RREB1: variants seen among roughly 807,000 people sequenced by gnomAD.
RREB1 encodes ras-responsive element-binding protein 1.
Under a neutral mutation model 117.8 loss-of-function variants are expected in RREB1, and 27 were observed. The observed-to-expected ratio is 0.23, with a 90% CI of 0.17 to 0.32. The LOEUF (loss-of-function observed/expected upper bound fraction) is 0.32. Among genes scored for constraint, RREB1 ranks in the 10% least tolerant of loss-of-function variants. The pLI is 1.00. For missense variants in RREB1, 2,577 were observed against 2,378.2 expected, an observed-to-expected ratio of 1.08 and a Z score of -1.74; for synonymous variants, 1,298 against 1,026.7, an observed-to-expected ratio of 1.26 and a Z score of -5.05.
At chr6:7,217,122 T>A (rs762140118) in intron 8 of RREB1, 1 of 152,362 alleles carries the variant, frequency 6.6e-6, no homozygotes, top group African/African-American at 2.4e-5. Context: ...TGGGAGAGAT[T>A]AGTGCAGCTG....
At chr6:7,172,718 TTGCCGC>T (rs1038854895) in intron 1 of RREB1, among the ~76,000 whole-genome samples, 4 of 151,390 alleles carry the variant, frequency 2.6e-5, no homozygotes, top group Non-Finnish European at 4.4e-5. Context: ...CTTTCTTGGG[TTGCCGC>T]CCTATCCAAG....
chr6:7,189,052 A>G (rs1293732428), intron 5 of RREB1, 107 bp from the exon 6 acceptor site: 1 of 1,108,090 alleles, frequency 9.0e-7, no homozygotes, highest in Non-Finnish European at 1.2e-6. Context: ...ACACATAGCC[A>G]AGAAAGTTGA....
chr6:7,152,297 T>C (rs2113430521), intron 1 of RREB1, among the ~76,000 whole-genome samples: 1 of 152,374 alleles, frequency 6.6e-6, no homozygotes, highest in East Asian at 1.9e-4. Context: ...TTTCTTGGTC[T>C]CTCTAATTTC....
At chr6:7,181,728 T>A in intron 3 of RREB1, 142 bp from the exon 4 acceptor site, 1 of 718,726 alleles carries the variant, frequency 1.4e-6, no homozygotes, top group Non-Finnish European at 2.4e-6. Flanking sequence ...ACTCTGGGCG[T>A]GAATGTGGCC....
chr6:7,208,433 TTGAGGTTG>T (rs1162811444), intron 6 of RREB1, among the ~76,000 whole-genome samples: 2 of 152,300 alleles, frequency 1.3e-5, no homozygotes, highest in African/African-American at 4.8e-5. Context: ...GTGGGCTGAA[TTGAGGTTG>T]TCAGTGCAGC....
At chr6:7,173,692 C>T (rs1350494289) in intron 1 of RREB1, among the ~76,000 whole-genome samples, 4 of 151,542 alleles carry the variant, frequency 2.6e-5, no homozygotes, top group Non-Finnish European at 5.9e-5. Flanking sequence ...GTGGCACACA[C>T]GCCTGTAATC....
At chr6:7,135,064 A>C (rs940753893) in intron 1 of RREB1, among the ~76,000 whole-genome samples, 2 of 152,172 alleles carry the variant, frequency 1.3e-5, no homozygotes, top group African/African-American at 4.8e-5. Flanking sequence ...CTTTTAATTA[A>C]TCTACTGTGA....
intron 1 of RREB1, among the ~76,000 whole-genome samples, chr6:7,131,203 G>A (rs11243145): frequency 0.46 from 70,383 of 151,646 alleles, 19,619 homozygotes; most frequent in Non-Finnish European, 0.63. Flanking sequence ...TGGGATTACA[G>A]GCGTGAGCCA....
chr6:7,223,921 T>C (rs185314973), intron 8 of RREB1, among the ~76,000 whole-genome samples: 39 of 152,344 alleles, frequency 2.6e-4, no homozygotes, highest in Non-Finnish European at 5.0e-4. Flanking sequence ...TAATTTCTTA[T>C]AATTTAATTA....
chr6:7,246,250 A>G (rs1194746812), intron 11 of RREB1, among the ~76,000 whole-genome samples, 174 bp from the exon 12 acceptor site: 3 of 152,182 alleles, frequency 2.0e-5, no homozygotes, highest in Non-Finnish European at 4.4e-5. Flanking sequence ...CCCCAGGGTC[A>G]TCTTGGTCCT....
At chr6:7,209,503 C>T (rs1351452307) in intron 6 of RREB1, among the ~76,000 whole-genome samples, 1 of 151,712 alleles carries the variant, frequency 6.6e-6, no homozygotes, top group African/African-American at 2.4e-5. Flanking sequence ...TTAACTTTCA[C>T]AAGGCTTTAG....
rs770874252 is a variant in RREB1 at position 7,229,075 on chromosome 6, C to T, written c.976C>T (p.Pro326Ser). 1.3e-6 allele frequency: 2 copies of T among 1,586,602 alleles called. No individual in the cohort carries two copies. Among genetic ancestry groups the T allele is most frequent in the Non-Finnish European group, 1.7e-6 (2 of 1,161,738 alleles). Reference sequence around the variant, plus strand: ...CTGCGACACCTGTGACAAGGCGTTCCCCATGCTCTGCTCACTGGCTCTGCA... The same window carrying T: ...CTGCGACACCTGTGACAAGGCGTTCTCCATGCTCTGCTCACTGGCTCTGCA... Reference protein sequence around the residue: ...FVCDTCDKAFPMLCSLALHKQ... With the variant: ...FVCDTCDKAFSMLCSLALHKQ... Residue 326 changes from proline to serine, a missense_variant, in exon 10 of 13, where the codon CCC (proline) becomes TCC (serine). Pro to Ser is a moderately conservative substitution (Grantham distance 74). Transcript: ENST00000379938. The surrounding 1 kb of genome is among the most constrained non-coding windows in gnomAD (Gnocchi z 4.5).
At chr6:7,240,687 G>A (rs1301752130) in intron 11 of RREB1, 85 bp downstream of exon 11, 7 of 1,255,620 alleles carry the variant, frequency 5.6e-6, no homozygotes, top group Non-Finnish European at 6.7e-6. Context: ...AGTCCGAGCT[G>A]TGGAGGGGCT....
intron 4 of RREB1, chr6:7,183,001 T>C (rs1278917105): frequency 6.6e-6 from 1 of 152,194 alleles, no homozygotes; most frequent in African/African-American, 2.4e-5. Context: ...TCTCTGAGTA[T>C]TAATATGATG....
intron 1 of RREB1, among the ~76,000 whole-genome samples, chr6:7,154,158 T>C (rs1475579764): frequency 6.6e-6 from 1 of 152,244 alleles, no homozygotes; most frequent in Admixed American, 6.5e-5. Flanking sequence ...TAAGGTTCTC[T>C]ATGCACATAA....
At chr6:7,172,651 C>G (rs975409793) in intron 1 of RREB1, among the ~76,000 whole-genome samples, 3 of 151,698 alleles carry the variant, frequency 2.0e-5, no homozygotes, top group African/African-American at 7.3e-5. Flanking sequence ...TCTAAGGCTC[C>G]TGTCTTACCA....
chr6:7,152,658 G>A (rs1394309841), intron 1 of RREB1, among the ~76,000 whole-genome samples: 1 of 152,176 alleles, frequency 6.6e-6, no homozygotes, highest in Admixed American at 6.5e-5. Flanking sequence ...TGAGGCACTG[G>A]AGGGGCCTAT....
chr6:7,151,327 AC>A (rs1277977408), intron 1 of RREB1, among the ~76,000 whole-genome samples: 2 of 152,158 alleles, frequency 1.3e-5, no homozygotes, highest in East Asian at 3.8e-4. Flanking sequence ...TTGAAATGTT[AC>A]TTGATTGCTG....
intron 1 of RREB1, among the ~76,000 whole-genome samples, chr6:7,162,475 G>A (rs899872173): frequency 1.2e-4 from 18 of 152,048 alleles, no homozygotes; most frequent in African/African-American, 4.3e-4. Flanking sequence ...GGAAGTGTTT[G>A]GCTCATACTC....
Sources: allele counts gnomAD v4.1 joint callset (sites outside exome capture counted in the v4.1 genomes callset), GRCh38; gene constraint gnomAD v4.1.1; non-coding constraint Gnocchi (gnomAD v3.1); transcripts MANE v1.5; gene names NCBI Gene and HGNC (gene_info 2026-07-23, HGNC 2026-07-21).